Variants in FTCDNL1 observed in about 807,000 individuals in gnomAD.
The protein encoded by FTCDNL1 is formiminotransferase N-terminal subdomain-containing protein.
Under a neutral mutation model 5.9 loss-of-function variants are expected in FTCDNL1, and 11 were observed. That is an observed-to-expected ratio of 1.87 (90% CI 1.18 to 3.10). The LOEUF is 3.10. Among genes scored for constraint, FTCDNL1 ranks in the 30% most tolerant of loss-of-function variants. The probability of loss-of-function intolerance (pLI) is 0.00; values close to 1 mark genes in which losing one functional copy is unlikely to be tolerated. For synonymous variants in FTCDNL1, 58 were observed against 24.8 expected (o/e 2.34, Z -3.99); for missense variants, 115 against 65.5 (o/e 1.76, Z -2.61).
At chr2:199,804,523 T>C (rs148654084), downstream of FTCDNL1, among the ~76,000 whole-genome samples, 2,220 of 152,300 alleles carry the variant, frequency 0.015, 25 homozygotes, top group Non-Finnish European at 0.021. Context: ...ATGCTTTCCA[T>C]GGCATTTCCC....
the FTCDNL1 span, among the ~76,000 whole-genome samples, chr2:199,667,950 T>C: frequency 2.6e-5 from 4 of 152,120 alleles, no homozygotes; most frequent in Admixed American, 2.6e-4. Flanking sequence ...GCACAAAAAA[T>C]AGTAGTCACC....
At chr2:199,681,107 A>G in the FTCDNL1 span, among the ~76,000 whole-genome samples, 6 of 152,214 alleles carry the variant, frequency 3.9e-5, no homozygotes, top group Admixed American at 3.3e-4. Flanking sequence ...GGGTTACTTG[A>G]TAAGTTTAAA....
At chr2:199,789,534 A>T (rs1699820342) in intron 3 of FTCDNL1, among the ~76,000 whole-genome samples, 1 of 152,168 alleles carries the variant, frequency 6.6e-6, no homozygotes, top group Non-Finnish European at 1.5e-5. Context: ...ATGGTAAACC[A>T]TCACAACCAT....
At chr2:199,705,320 A>C in the FTCDNL1 span, among the ~76,000 whole-genome samples, 1 of 152,172 alleles carries the variant, frequency 6.6e-6, no homozygotes, top group Non-Finnish European at 1.5e-5. Context: ...GAATTTGGTT[A>C]TGTTCAGTTT....
At chr2:199,699,431 G>A in the FTCDNL1 span, among the ~76,000 whole-genome samples, 1 of 152,150 alleles carries the variant, frequency 6.6e-6, no homozygotes, top group African/African-American at 2.4e-5. Flanking sequence ...TCCAGCGTGG[G>A]TGTTAGAGTG....
chr2:199,774,718 T>TTCA (rs1698977353), intron 3 of FTCDNL1, among the ~76,000 whole-genome samples: 1 of 152,192 alleles, frequency 6.6e-6, no homozygotes, highest in African/African-American at 2.4e-5. Flanking sequence ...CAACCTTCTA[T>TTCA]GGAGCTTTGC....
chr2:199,732,933 G>A, the FTCDNL1 span, among the ~76,000 whole-genome samples: 1 of 152,166 alleles, frequency 6.6e-6, no homozygotes, highest in Non-Finnish European at 1.5e-5. Flanking sequence ...AGACTAGCAT[G>A]ACTCCTAACT....
chr2:199,686,539 A>G, the FTCDNL1 span, among the ~76,000 whole-genome samples: 1 of 152,234 alleles, frequency 6.6e-6, no homozygotes, highest in Non-Finnish European at 1.5e-5. Context: ...TATCAAATTC[A>G]TGCCAGTTGA....
chr2:199,789,301 G>A (rs895508439), intron 3 of FTCDNL1, among the ~76,000 whole-genome samples: 4 of 152,046 alleles, frequency 2.6e-5, no homozygotes, highest in Non-Finnish European at 5.9e-5. Flanking sequence ...AGTTTATTTC[G>A]GGAATGCAAG....
chr2:199,701,148 A>G, the FTCDNL1 span, among the ~76,000 whole-genome samples: 1 of 152,158 alleles, frequency 6.6e-6, no homozygotes, highest in African/African-American at 2.4e-5. Flanking sequence ...ACAATTATTT[A>G]AGAACAATGT....
At chr2:199,665,415 T>C in the FTCDNL1 span, among the ~76,000 whole-genome samples, 32 of 152,160 alleles carry the variant, frequency 2.1e-4, no homozygotes, top group African/African-American at 6.7e-4. Context: ...GCAGATTACC[T>C]GAGGTCAGGA....
chr2:199,703,590 T>C, the FTCDNL1 span, among the ~76,000 whole-genome samples: 1 of 152,190 alleles, frequency 6.6e-6, no homozygotes, highest in Non-Finnish European at 1.5e-5. Context: ...ATTATATTTC[T>C]ACTGGACAGC....
chr2:199,721,784 T>A, the FTCDNL1 span, among the ~76,000 whole-genome samples: 2 of 152,156 alleles, frequency 1.3e-5, no homozygotes, highest in Non-Finnish European at 2.9e-5. Context: ...CTCACCAGCA[T>A]CTGTTGTTTC....
At chr2:199,745,319 C>G in the FTCDNL1 span, among the ~76,000 whole-genome samples, 1 of 152,194 alleles carries the variant, frequency 6.6e-6, no homozygotes, top group Non-Finnish European at 1.5e-5. Flanking sequence ...AATTAAATAA[C>G]CTTTAATCAA....
At chr2:199,763,133 T>A (rs559785542) in intron 3 of FTCDNL1, among the ~76,000 whole-genome samples, 1 of 152,276 alleles carries the variant, frequency 6.6e-6, no homozygotes, top group East Asian at 1.9e-4. Flanking sequence ...TCAGGGCCCA[T>A]CCGGTTCTAA....
chr2:199,714,784 G>A, the FTCDNL1 span, among the ~76,000 whole-genome samples: 27 of 151,988 alleles, frequency 1.8e-4, no homozygotes, highest in Non-Finnish European at 3.8e-4. Context: ...GTACAGGGAC[G>A]GCAGAGGAGA....
At chr2:199,726,192 G>T in the FTCDNL1 span, among the ~76,000 whole-genome samples, 6 of 152,202 alleles carry the variant, frequency 3.9e-5, no homozygotes, top group Admixed American at 2.6e-4. Flanking sequence ...ATTGATACTT[G>T]TGGTTGCATT....
rs188588268 is a variant in FTCDNL1, at chr2:199,762,204, C to A, written c.212-1369G>T. ...GACCAGCCTGCCCAATATAGTGAAA[C>A]CCCATCTCTACTAAAAATACAAAAA... On this transcript the variant is annotated intron_variant, in intron 3 of 3. Transcript: ENST00000416668. 3.5e-3 allele frequency among the ~76,000 whole-genome samples: 532 copies of A among 152,218 alleles called. 12 individuals are homozygous for A. Among genetic ancestry groups the A allele is most frequent in the African/African-American group, 0.013 (521 of 41,516 alleles).
At chr2:199,776,754 G>T (rs988338716) in intron 3 of FTCDNL1, among the ~76,000 whole-genome samples, 14 of 151,996 alleles carry the variant, frequency 9.2e-5, no homozygotes, top group Non-Finnish European at 2.9e-5. Flanking sequence ...ACACTAAAAA[G>T]GTACAGAAAA....
Sources: gnomAD v4.1 joint callset for allele counts (sites outside exome capture counted in the v4.1 genomes callset) on GRCh38, gnomAD v4.1.1 for gene constraint, MANE v1.5 for transcripts, NCBI Gene and HGNC (gene_info 2026-07-23, HGNC 2026-07-21) for gene names.